The following PLCG2 variants were observed in gnomAD, a reference collection of about 807,000 sequenced individuals.
PLCG2 encodes phospholipase C gamma 2, also known as 1-phosphatidylinositol 4,5-bisphosphate phosphodiesterase gamma-2.
A neutral mutation model predicts 175.6 loss-of-function variants in PLCG2; 69 were observed. That is an observed-to-expected ratio of 0.39 (90% confidence interval 0.32 to 0.48). The LOEUF (loss-of-function observed/expected upper bound fraction) is 0.48. Ranked by LOEUF, PLCG2 falls within the 20% of genes least tolerant of loss-of-function variation. The pLI is 0.91. For missense variants in PLCG2, 1,798 were observed against 1,650.9 expected (o/e 1.09, Z -1.54); for synonymous variants, 827 against 624.0 (o/e 1.33, Z -4.85).
chr16:81,865,052 A>G (rs67157120), intron 5 of PLCG2, among the ~76,000 whole-genome samples: 16,330 of 152,182 alleles, frequency 0.11, 1,004 homozygotes, highest in Non-Finnish European at 0.14. Context: ...CCCTGGGGGA[A>G]GGAAGGCAGC....
At chr16:81,937,421 A>AT (rs1272570105) in intron 27 of PLCG2, 1 of 181,136 alleles carries the variant, frequency 5.5e-6, no homozygotes, top group Non-Finnish European at 1.2e-5. Flanking sequence ...TATAGCATAG[A>AT]TGTATCAGAA....
chr16:81,788,148 T>A (rs1363846906), intron 2 of PLCG2, among the ~76,000 whole-genome samples: 1 of 152,216 alleles, frequency 6.6e-6, no homozygotes. Flanking sequence ...TCAGACTGTT[T>A]TCTAAAGTGG....
At chr16:81,870,631 T>A (rs2143531516) in intron 6 of PLCG2, among the ~76,000 whole-genome samples, 1 of 152,302 alleles carries the variant, frequency 6.6e-6, no homozygotes, top group African/African-American at 2.4e-5. Flanking sequence ...CAGAGGAATA[T>A]GAATTTGATT....
At chr16:81,766,179 A>G (rs1353936433) in intron 2 of PLCG2, among the ~76,000 whole-genome samples, 2 of 152,122 alleles carry the variant, frequency 1.3e-5, no homozygotes, top group Non-Finnish European at 2.9e-5. Context: ...TTTAGAGTCA[A>G]GAGGAAATCC....
chr16:81,821,804 A>T (rs1904811291), intron 2 of PLCG2, among the ~76,000 whole-genome samples: 1 of 152,144 alleles, frequency 6.6e-6, no homozygotes, highest in African/African-American at 2.4e-5. Flanking sequence ...CCCAAAAGAA[A>T]AGGTTTTACT....
intron 2 of PLCG2, among the ~76,000 whole-genome samples, chr16:81,820,838 C>G (rs1224498487): frequency 6.7e-6 from 1 of 149,558 alleles, no homozygotes; most frequent in African/African-American, 2.5e-5. Context: ...CTAGGCTAGT[C>G]TAGAACTCCT....
At chr16:81,771,367 A>G (rs4328435) in intron 2 of PLCG2, among the ~76,000 whole-genome samples, 1 of 151,914 alleles carries the variant, frequency 6.6e-6, no homozygotes, top group African/African-American at 2.4e-5. Context: ...AGCCAGGACT[A>G]TTCTGACTTC....
intron 2 of PLCG2, among the ~76,000 whole-genome samples, chr16:81,853,288 G>A (rs1050965983): frequency 4.6e-5 from 7 of 151,618 alleles, no homozygotes; most frequent in African/African-American, 1.7e-4. Flanking sequence ...CTGAGATCAT[G>A]CCACTGCACT....
chr16:81,740,340 T>C (rs1430961069), intron 1 of PLCG2: 3 of 152,104 alleles, frequency 2.0e-5, no homozygotes, highest in African/African-American at 7.2e-5. Context: ...GCACAGCCAA[T>C]GACTGCATCC....
intron 2 of PLCG2, among the ~76,000 whole-genome samples, chr16:81,834,829 A>G (rs1413980097): frequency 6.6e-6 from 1 of 152,136 alleles, no homozygotes; most frequent in Admixed American, 6.5e-5. Flanking sequence ...TGAGCTGAGG[A>G]GTTTTTATTT....
chr16:81,757,197 G>A (rs1454725642), intron 2 of PLCG2, among the ~76,000 whole-genome samples: 2 of 152,064 alleles, frequency 1.3e-5, no homozygotes, highest in East Asian at 1.9e-4. Context: ...CCACCCATCC[G>A]ATCATTCAAT....
intron 2 of PLCG2, among the ~76,000 whole-genome samples, chr16:81,787,561 G>T (rs1366772907): frequency 6.9e-6 from 1 of 145,060 alleles, no homozygotes; most frequent in African/African-American, 2.6e-5. Flanking sequence ...ATAATAGATT[G>T]ATTGAGACAT....
At chr16:81,928,845 G>A (rs1326651679) in intron 24 of PLCG2, 7 of 478,234 alleles carry the variant, frequency 1.5e-5, no homozygotes, top group Non-Finnish European at 2.3e-5. Flanking sequence ...ACAAGGTCTC[G>A]TACATAAGTG....
At chr16:81,948,869 A>G (rs1911257182) in intron 31 of PLCG2, among the ~76,000 whole-genome samples, 1 of 152,218 alleles carries the variant, frequency 6.6e-6, no homozygotes, top group African/African-American at 2.4e-5. Flanking sequence ...AAGACAGACT[A>G]AGGTACACAC....
At chr16:81,890,813 G>T (rs1345418339) in intron 10 of PLCG2, among the ~76,000 whole-genome samples, 1 of 152,160 alleles carries the variant, frequency 6.6e-6, no homozygotes, top group Admixed American at 6.6e-5. Flanking sequence ...ATAACACTCT[G>T]TTTCTTAAGT....
intron 1 of PLCG2, among the ~76,000 whole-genome samples, chr16:81,745,244 C>T (rs1044707577): frequency 1.1e-4 from 17 of 152,210 alleles, no homozygotes; most frequent in African/African-American, 3.9e-4. Flanking sequence ...ACTGATTGGC[C>T]GGGAAGGGCA....
intron 2 of PLCG2, among the ~76,000 whole-genome samples, chr16:81,786,916 G>C (rs943634958): frequency 1.3e-5 from 2 of 152,212 alleles, no homozygotes; most frequent in Non-Finnish European, 2.9e-5. Context: ...ATCCTACTGA[G>C]GCAAGCTCAT....
intron 9 of PLCG2, among the ~76,000 whole-genome samples, chr16:81,885,087 T>G (rs1299735517): frequency 6.6e-6 from 1 of 151,422 alleles, no homozygotes; most frequent in Non-Finnish European, 1.5e-5. Flanking sequence ...AGTCTTGCTC[T>G]GTCACCAGGC....
intron 14 of PLCG2, among the ~76,000 whole-genome samples, chr16:81,904,206 C>T (rs1261190815): frequency 2.6e-5 from 4 of 152,200 alleles, no homozygotes; most frequent in African/African-American, 9.7e-5. Flanking sequence ...TCACTGTTGA[C>T]ACTTATCTTT....
Sources: allele counts gnomAD v4.1 joint callset (sites outside exome capture counted in the v4.1 genomes callset), GRCh38; gene constraint gnomAD v4.1.1; transcripts MANE v1.5; gene names NCBI Gene and HGNC (gene_info 2026-07-23, HGNC 2026-07-21).